CDKL4: variants seen among roughly 807,000 people sequenced by gnomAD.
The protein encoded by CDKL4 is cyclin dependent kinase like 4.
In CDKL4, 44 loss-of-function variants were observed where a neutral mutation model predicts 42.0. The ratio of observed to expected loss-of-function variants is 1.05; its 90% CI spans 0.82 to 1.35. CDKL4 has a LOEUF of 1.35. Ranked by LOEUF, CDKL4 falls within the 40% of genes most tolerant of loss-of-function variation. CDKL4 has a pLI of 0.00. For synonymous variants in CDKL4, 120 were observed against 121.6 expected, an observed-to-expected ratio of 0.99 and a Z score of 0.09; for missense variants, 393 against 369.9, an observed-to-expected ratio of 1.06 and a Z score of -0.51.
intron 2 of CDKL4, among the ~76,000 whole-genome samples, chr2:39,226,751 G>A (rs1678772942): frequency 6.6e-6 from 1 of 151,736 alleles, no homozygotes; most frequent in Non-Finnish European, 1.5e-5. Context: ...TAACTAGGGT[G>A]ACCACATAAT....
upstream of CDKL4, among the ~76,000 whole-genome samples, chr2:39,246,835 T>C (rs1459817919): frequency 6.6e-6 from 1 of 152,154 alleles, no homozygotes; most frequent in African/African-American, 2.4e-5. Flanking sequence ...CCTCAAACTC[T>C]TGGGCTCAAG....
At chr2:39,174,890 C>A (rs945683862), downstream of CDKL4, among the ~76,000 whole-genome samples, 2 of 151,796 alleles carry the variant, frequency 1.3e-5, no homozygotes, top group Non-Finnish European at 1.5e-5. Flanking sequence ...TATATATTTA[C>A]AAATACATGT....
downstream of CDKL4, among the ~76,000 whole-genome samples, chr2:39,171,605 G>T (rs1675001370): frequency 6.6e-6 from 1 of 152,196 alleles, no homozygotes; most frequent in South Asian, 2.1e-4. Context: ...GGCTGAGAGA[G>T]GTCTAACGAA....
At chr2:39,208,685 G>T (rs1677368144) in intron 4 of CDKL4, among the ~76,000 whole-genome samples, 1 of 148,422 alleles carries the variant, frequency 6.7e-6, no homozygotes, top group South Asian at 2.1e-4. Flanking sequence ...TTCAGTTGTT[G>T]TGGCTGACGG....
intron 4 of CDKL4, among the ~76,000 whole-genome samples, chr2:39,212,331 T>G (rs1677638069): frequency 6.6e-6 from 1 of 151,862 alleles, no homozygotes; most frequent in Non-Finnish European, 1.5e-5. Flanking sequence ...CCTCCTGGGT[T>G]CACACCATTC....
At chr2:39,230,330 G>A (rs1262334674) in intron 1 of CDKL4, among the ~76,000 whole-genome samples, 1 of 152,242 alleles carries the variant, frequency 6.6e-6, no homozygotes, top group East Asian at 1.9e-4. Flanking sequence ...GGCAACAAGA[G>A]TGAAACTCTG....
chr2:39,245,391 G>A (rs192416619), upstream of CDKL4, among the ~76,000 whole-genome samples: 12 of 151,934 alleles, frequency 7.9e-5, no homozygotes, highest in East Asian at 2.1e-3. Context: ...AAGAAACCCC[G>A]AACACATCTG....
intron 1 of CDKL4, among the ~76,000 whole-genome samples, chr2:39,236,185 A>C (rs1475900888): frequency 6.6e-6 from 1 of 151,618 alleles, no homozygotes; most frequent in East Asian, 1.9e-4. Context: ...GAAATGAAAA[A>C]TCCTGTAGAT....
intron 4 of CDKL4, among the ~76,000 whole-genome samples, chr2:39,209,459 G>A (rs908049055): frequency 6.6e-6 from 1 of 152,096 alleles, no homozygotes; most frequent in Non-Finnish European, 1.5e-5. Flanking sequence ...GATATTATAG[G>A]GTAAAAGAGA....
At chr2:39,242,458 C>G (rs540792807) in intron 1 of CDKL4, among the ~76,000 whole-genome samples, 1 of 152,328 alleles carries the variant, frequency 6.6e-6, no homozygotes, top group East Asian at 1.9e-4. Flanking sequence ...AGTTAAAGTT[C>G]TGTGTACAAA....
Position 39,216,107 on chromosome 2 carries a change from C to T in CDKL4, c.291-2635G>A, listed in dbSNP as rs60297046. Among the ~76,000 whole-genome samples, 205 of 152,276 alleles carry T rather than the reference C, an allele frequency of 1.3e-3. 3 individuals are homozygous for T. The East Asian group carries it at 0.021, about 15-fold the overall frequency. On this transcript the variant is annotated intron_variant, in intron 3 of 9. Coordinates refer to ENST00000451199, the Ensembl canonical transcript of CDKL4. ...CTGCTTCCTACTTTATAATCTTGAA[C>T]ACGTTATTTAAGCTCTCTGCACCTT...
At chr2:39,187,819 G>C (rs952765963) in intron 6 of CDKL4, 110 bp from the exon 7 acceptor site, 3 of 698,456 alleles carry the variant, frequency 4.3e-6, no homozygotes, top group Non-Finnish European at 7.4e-6. Context: ...TGTAATTCCA[G>C]CACTTTGAGA....
At chr2:39,235,593 A>T (rs941566323) in intron 1 of CDKL4, among the ~76,000 whole-genome samples, 2 of 152,186 alleles carry the variant, frequency 1.3e-5, no homozygotes, top group African/African-American at 4.8e-5. Context: ...AAAAGATTTT[A>T]AAAACTATCT....
intron 5 of CDKL4, among the ~76,000 whole-genome samples, chr2:39,197,708 T>C (rs2148320160): frequency 6.6e-6 from 1 of 152,288 alleles, no homozygotes; most frequent in Non-Finnish European, 1.5e-5. Flanking sequence ...AAAACAATTA[T>C]CAGCCAAGAA....
the CDKL4 span, among the ~76,000 whole-genome samples, chr2:39,169,692 T>C: frequency 2.0e-5 from 3 of 152,224 alleles, no homozygotes; most frequent in Non-Finnish European, 4.4e-5. Flanking sequence ...AAGTTAAATG[T>C]TGTGTCAAGG....
downstream of CDKL4, among the ~76,000 whole-genome samples, chr2:39,172,813 C>A (rs576089232): frequency 6.6e-6 from 1 of 152,132 alleles, no homozygotes; most frequent in African/African-American, 2.4e-5. Flanking sequence ...AACTCCTGAC[C>A]TCAGGTGATC....
intron 4 of CDKL4, among the ~76,000 whole-genome samples, chr2:39,208,186 A>T (rs1677328090): frequency 6.6e-6 from 1 of 152,146 alleles, no homozygotes; most frequent in South Asian, 2.1e-4. Context: ...GGGGAAGAAG[A>T]TGCTTAGACA....
At chr2:39,168,686 GAT>G in the CDKL4 span, among the ~76,000 whole-genome samples, 1 of 149,084 alleles carries the variant, frequency 6.7e-6, no homozygotes, top group Admixed American at 6.7e-5. Flanking sequence ...AGTGAGCTGA[GAT>G]AGCGCCATTG....
At chr2:39,179,075 A>G (rs148944461) in intron 9 of CDKL4, 112 bp downstream of exon 9, 2 of 1,522,198 alleles carry the variant, frequency 1.3e-6, no homozygotes, top group Non-Finnish European at 1.7e-6. Flanking sequence ...ATACAACTAC[A>G]CCAGTACAAA....
Sources: gnomAD v4.1 joint callset for allele counts (sites outside exome capture counted in the v4.1 genomes callset) on GRCh38, gnomAD v4.1.1 for gene constraint, MANE v1.5 for transcripts, NCBI Gene and HGNC (gene_info 2026-07-23, HGNC 2026-07-21) for gene names.